RGPD2: variants seen among roughly 807,000 people sequenced by gnomAD.
The protein encoded by RGPD2 is RANBP2-like and GRIP domain-containing protein 2.
In RGPD2, 2 loss-of-function variants were observed where a neutral mutation model predicts 36.0. That is an observed-to-expected ratio of 0.06 (90% CI 0.02 to 0.17). The LOEUF (loss-of-function observed/expected upper bound fraction) is 0.17. RGPD2 is among the 10% of genes least tolerant of loss of function. RGPD2 has a pLI of 1.00. For missense variants in RGPD2, 40 were observed against 464.3 expected (o/e 0.09, Z 8.40); for synonymous variants, 19 against 163.8 (o/e 0.12, Z 6.75).
the RGPD2 span, among the ~76,000 whole-genome samples, chr2:87,986,321 G>T: frequency 6.7e-6 from 1 of 149,174 alleles, no homozygotes; most frequent in Admixed American, 6.7e-5. Context: ...TTTTAGTAGA[G>T]ACCATGTTTC....
chr2:87,809,747 C>A (rs1686098393), intron 6 of RGPD2, among the ~76,000 whole-genome samples: 1 of 151,572 alleles, frequency 6.6e-6, no homozygotes. Context: ...CTCAGGCCCC[C>A]AAGTCACCCC....
intron 1 of RGPD2, among the ~76,000 whole-genome samples, chr2:87,825,416 G>GGCCGAGGCCGCC (rs1686680351): frequency 1.0e-5 from 1 of 96,160 alleles, no homozygotes; most frequent in Non-Finnish European, 2.2e-5. Context: ...CCGAGGCCGA[G>GGCCGAGGCCGCC]GCCGCCGCCG....
the RGPD2 span, chr2:87,985,662 T>A: frequency 1.5e-6 from 2 of 1,361,872 alleles, no homozygotes; most frequent in South Asian, 2.4e-5. Flanking sequence ...CAATGTTATA[T>A]TACCAATTAT....
At chr2:87,892,498 TGCTAAGACTA>T in the RGPD2 span, among the ~76,000 whole-genome samples, 3 of 148,912 alleles carry the variant, frequency 2.0e-5, no homozygotes, top group South Asian at 6.5e-4. Flanking sequence ...ATTATCATGA[TGCTAAGACTA>T]GCAAAATATT....
chr2:87,973,693 T>TA, the RGPD2 span, among the ~76,000 whole-genome samples: 2,947 of 105,430 alleles, frequency 0.028, 142 homozygotes, highest in East Asian at 0.12. Context: ...GTGAACCAGC[T>TA]AAAAAAAAAA....
the RGPD2 span, among the ~76,000 whole-genome samples, chr2:87,974,762 A>C: frequency 2.0e-5 from 3 of 152,210 alleles, no homozygotes; most frequent in Non-Finnish European, 4.4e-5. Flanking sequence ...CATTGTCCAC[A>C]TCCAGCCACC....
chr2:87,915,560 A>G, the RGPD2 span, among the ~76,000 whole-genome samples: 6 of 140,170 alleles, frequency 4.3e-5, no homozygotes, highest in Non-Finnish European at 7.9e-5. Context: ...GTATGTGTAT[A>G]TATATACACA....
At chr2:87,984,381 A>G in the RGPD2 span, among the ~76,000 whole-genome samples, 1 of 152,052 alleles carries the variant, frequency 6.6e-6, no homozygotes, top group African/African-American at 2.4e-5. Context: ...ATAAATTACA[A>G]TAACGAAAAC....
At chr2:87,834,402 A>T in the RGPD2 span, among the ~76,000 whole-genome samples, 1 of 152,114 alleles carries the variant, frequency 6.6e-6, no homozygotes, top group Non-Finnish European at 1.5e-5. Flanking sequence ...AGAAGCAAGA[A>T]TTAAAGCTCT....
chr2:87,872,959 C>A, the RGPD2 span, among the ~76,000 whole-genome samples: 1 of 152,268 alleles, frequency 6.6e-6, no homozygotes, highest in Non-Finnish European at 1.5e-5. Flanking sequence ...GAGGTTTCAC[C>A]ATGTTGGCCA....
chr2:87,940,920 A>T, the RGPD2 span, among the ~76,000 whole-genome samples: 1 of 151,308 alleles, frequency 6.6e-6, no homozygotes, highest in Non-Finnish European at 1.5e-5. Flanking sequence ...TTATCTACAA[A>T]GACCAATAAT....
At chr2:87,878,543 A>C in the RGPD2 span, among the ~76,000 whole-genome samples, 1 of 152,218 alleles carries the variant, frequency 6.6e-6, no homozygotes, top group Non-Finnish European at 1.5e-5. Flanking sequence ...AAATAAGTGT[A>C]ATTAGTATAT....
the RGPD2 span, among the ~76,000 whole-genome samples, chr2:87,962,059 C>T: frequency 6.7e-6 from 1 of 149,124 alleles, no homozygotes; most frequent in Non-Finnish European, 1.5e-5. Context: ...AAAGGAATAG[C>T]CCCCCAAATC....
At chr2:87,877,691 G>A in the RGPD2 span, among the ~76,000 whole-genome samples, 2 of 151,720 alleles carry the variant, frequency 1.3e-5, no homozygotes, top group African/African-American at 2.4e-5. Flanking sequence ...TGTAGTCCCA[G>A]CTACTCGGGA....
chr2:87,918,558 T>A, the RGPD2 span, among the ~76,000 whole-genome samples: 1 of 151,178 alleles, frequency 6.6e-6, no homozygotes, highest in Non-Finnish European at 1.5e-5. Flanking sequence ...ACAATGCATG[T>A]GACACCACCA....
At chr2:87,852,593 C>G in the RGPD2 span, among the ~76,000 whole-genome samples, 1 of 152,046 alleles carries the variant, frequency 6.6e-6, no homozygotes. Flanking sequence ...TTGCCTCTGA[C>G]CTCATCTTCT....
the RGPD2 span, among the ~76,000 whole-genome samples, chr2:87,952,258 T>A: frequency 6.6e-6 from 1 of 152,152 alleles, no homozygotes; most frequent in African/African-American, 2.4e-5. Context: ...CAATTAGATA[T>A]GGGAGAGAGT....
chr2:87,762,575 G>A (rs201395971), intron 22 of RGPD2, among the ~76,000 whole-genome samples: 17 of 92,006 alleles, frequency 1.8e-4, no homozygotes, highest in African/African-American at 5.0e-4. Context: ...AAAATTAGAC[G>A]GGCGTGGTGG....
At chr2:87,847,643 T>G in the RGPD2 span, among the ~76,000 whole-genome samples, 1 of 151,538 alleles carries the variant, frequency 6.6e-6, no homozygotes, top group Non-Finnish European at 1.5e-5. Context: ...GGACCACAGG[T>G]GCATGCCATC....
Sources: allele counts gnomAD v4.1 joint callset (sites outside exome capture counted in the v4.1 genomes callset), GRCh38; gene constraint gnomAD v4.1.1; transcripts MANE v1.5; gene names NCBI Gene and HGNC (gene_info 2026-07-23, HGNC 2026-07-21).